IKBKB: variants seen among roughly 807,000 people sequenced by gnomAD.
IKBKB encodes inhibitor of nuclear factor kappa B kinase subunit beta.
Under a neutral mutation model 113.6 loss-of-function variants are expected in IKBKB, and 42 were observed. The ratio of observed to expected loss-of-function variants is 0.37; its 90% confidence interval spans 0.29 to 0.48. IKBKB has a LOEUF of 0.48. Ranked by LOEUF, IKBKB falls within the 20% of genes least tolerant of loss-of-function variation. The pLI is 0.99. For synonymous variants in IKBKB, 296 were observed against 361.3 expected, an observed-to-expected ratio of 0.82 and a Z score of 2.05; for missense variants, 673 against 939.7, an observed-to-expected ratio of 0.72 and a Z score of 3.71.
intron 2 of IKBKB, among the ~76,000 whole-genome samples, chr8:42,281,405 G>A (rs1240204548): frequency 3.3e-5 from 5 of 152,172 alleles, no homozygotes; most frequent in Non-Finnish European, 7.3e-5. Context: ...TGAGGACCCA[G>A]ATGCTTGTAC....
At chr8:42,313,804 A>AGTCCT (rs1387580620) in intron 8 of IKBKB, among the ~76,000 whole-genome samples, 1 of 152,236 alleles carries the variant, frequency 6.6e-6, no homozygotes, top group African/African-American at 2.4e-5. Flanking sequence ...TCATCCAGGC[A>AGTCCT]GTCCTGACCA....
chr8:42,307,610 C>T (rs1276065020), intron 7 of IKBKB, among the ~76,000 whole-genome samples: 2 of 152,148 alleles, frequency 1.3e-5, no homozygotes, highest in Non-Finnish European at 2.9e-5. Flanking sequence ...TTGGGAGTGA[C>T]TCAAGGAGTC....
At chr8:42,282,010 C>T (rs1183911640) in intron 2 of IKBKB, among the ~76,000 whole-genome samples, 1 of 152,198 alleles carries the variant, frequency 6.6e-6, no homozygotes, top group African/African-American at 2.4e-5. Flanking sequence ...TGCTCCCCCT[C>T]TGCCTTTTTT....
intron 19 of IKBKB, among the ~76,000 whole-genome samples, chr8:42,324,252 C>T (rs77008799): frequency 0.021 from 3,162 of 152,148 alleles, 109 homozygotes; most frequent in African/African-American, 0.072. Context: ...GGTGAGCTTA[C>T]GTGGGCCACG....
chr8:42,329,311 C>T (rs1006197586), intron 21 of IKBKB, 97 bp downstream of exon 21: 5 of 1,429,396 alleles, frequency 3.5e-6, no homozygotes, highest in African/African-American at 3.0e-5. Context: ...TATCCTCAAC[C>T]TCAGTGTTTG....
At chr8:42,307,277 C>T (rs1424309352) in intron 7 of IKBKB, among the ~76,000 whole-genome samples, 3 of 151,958 alleles carry the variant, frequency 2.0e-5, no homozygotes, top group African/African-American at 7.3e-5. Flanking sequence ...GAACCGAGCA[C>T]AAAAGGGAAA....
chr8:42,301,722 A>G (rs956145186), intron 5 of IKBKB, among the ~76,000 whole-genome samples: 3 of 152,364 alleles, frequency 2.0e-5, no homozygotes, highest in South Asian at 2.1e-4. Flanking sequence ...TAGTCAGAGT[A>G]TTCAGTTACC....
chr8:42,314,469 GC>G, intron 9 of IKBKB, 40 bp downstream of exon 9: 1 of 1,328,260 alleles, frequency 7.5e-7, no homozygotes, highest in Non-Finnish European at 1.1e-6. Flanking sequence ...TATCTTTCTT[GC>G]TTTTTTTAGA....
intron 5 of IKBKB, among the ~76,000 whole-genome samples, chr8:42,299,292 A>G (rs1814626616): frequency 6.6e-6 from 1 of 152,086 alleles, no homozygotes; most frequent in Admixed American, 6.5e-5. Flanking sequence ...TGCTGATTCA[A>G]TGTCAGAGCA....
Position 42,305,406 on chromosome 8 carries a change from G to A in IKBKB, c.477+131G>A, listed in dbSNP as rs896571564. 20 of 643,628 alleles carry A rather than the reference G, an allele frequency of 3.1e-5. No homozygotes were observed. The African/African-American group carries it at 3.5e-4, about 11-fold the overall frequency. 39.9% of individuals were successfully genotyped at this position (643,628 alleles called of 1,614,324 possible). ...GCCTGTGCTTTGATTCTCTGGGAAT[G>A]CTGTTTGATTTGAAACAAAATTGAG... On this transcript the variant is annotated intron_variant, in intron 6 of 21. Transcript: ENST00000520810.
At chr8:42,325,843 T>A in intron 19 of IKBKB, 127 bp from the exon 20 acceptor site, 1 of 1,501,540 alleles carries the variant, frequency 6.7e-7, no homozygotes, top group Middle Eastern at 1.8e-4. Flanking sequence ...GGGTGCCAAC[T>A]GGTAGGCTGT....
At chr8:42,303,801 C>A (rs987505182) in intron 5 of IKBKB, among the ~76,000 whole-genome samples, 4 of 152,208 alleles carry the variant, frequency 2.6e-5, no homozygotes, top group African/African-American at 4.8e-5. Context: ...GCCACCGCGC[C>A]CAGCCCCATT....
intron 7 of IKBKB, among the ~76,000 whole-genome samples, chr8:42,308,098 A>G (rs940044737): frequency 6.6e-6 from 1 of 152,006 alleles, no homozygotes; most frequent in East Asian, 1.9e-4. Context: ...CTGCAACCAC[A>G]TGGTACCTGG....
At chr8:42,274,080 G>C (rs1432300640) in intron 2 of IKBKB, among the ~76,000 whole-genome samples, 1 of 152,002 alleles carries the variant, frequency 6.6e-6, no homozygotes, top group East Asian at 1.9e-4. Context: ...GCCCAGGCTG[G>C]AGTGCAGTGG....
Position 42,330,970 on chromosome 8 carries a change from G to C in IKBKB, c.2262G>C (p.Gln754His), listed in dbSNP as rs1821627486. The C allele has an allele frequency of 1.2e-6, 2 of 1,614,152 alleles. No homozygotes were observed. The highest frequency in any genetic ancestry group is 8.5e-7 in the Non-Finnish European group (1 of 1,180,036). ...TEEEEHSCLE[Q>H]AS Reference sequence around the variant, plus strand: ...AAGAAGAGCACAGCTGCCTGGAGCAGGCCTCATGATGTGGGGGGACTCGAC... The same window carrying C: ...AAGAAGAGCACAGCTGCCTGGAGCACGCCTCATGATGTGGGGGGACTCGAC... The change falls in exon 22 of 22, where the codon CAG becomes CAC. Residue 754 changes from glutamine to histidine, a missense_variant. By Grantham distance (24) the Gln-to-His change is conservative. This residue lies in a region of IKBKB where 506 missense variants were observed against 638.7 expected (regional missense o/e 0.79). Coordinates refer to ENST00000520810, the MANE Select transcript of IKBKB (RefSeq NM_001556.3).
chr8:42,331,034 T>G lies in IKBKB; in HGVS notation c.*55T>G. 6.3e-7 allele frequency: 1 copy of G among 1,596,726 alleles called. No homozygotes were observed. Among genetic ancestry groups the G allele is most frequent in the Non-Finnish European group, 8.5e-7 (1 of 1,170,818 alleles). Reference sequence around the variant, plus strand: ...GCAGCCCATAGCAGGCCTTGTGCAGTGGGGGGACTCGACCCCCTGACATGG... The same window carrying G: ...GCAGCCCATAGCAGGCCTTGTGCAGGGGGGGGACTCGACCCCCTGACATGG... On this transcript the variant is annotated 3_prime_UTR_variant, in exon 22 of 22. Coordinates refer to ENST00000520810, the MANE Select transcript of IKBKB (RefSeq NM_001556.3).
At chr8:42,299,448 A>T (rs1019459847) in intron 5 of IKBKB, among the ~76,000 whole-genome samples, 1 of 152,084 alleles carries the variant, frequency 6.6e-6, no homozygotes, top group Non-Finnish European at 1.5e-5. Flanking sequence ...AGCCCTGGGC[A>T]TGACCCACAG....
At chr8:42,304,578 T>C (rs1289613171) in intron 5 of IKBKB, among the ~76,000 whole-genome samples, 2 of 152,212 alleles carry the variant, frequency 1.3e-5, no homozygotes, top group Non-Finnish European at 2.9e-5. Flanking sequence ...GGGCATGTAG[T>C]AAGTCTGTGT....
intron 20 of IKBKB, among the ~76,000 whole-genome samples, chr8:42,328,229 G>A (rs1018905638): frequency 4.3e-4 from 65 of 150,396 alleles, no homozygotes; most frequent in African/African-American, 1.6e-3. Flanking sequence ...TTACAGGCGT[G>A]AGCCACCGCA....
Sources: gnomAD v4.1 joint callset for allele counts (sites outside exome capture counted in the v4.1 genomes callset) on GRCh38, gnomAD v4.1.1 for gene constraint, gnomAD v4.1.1 regional missense constraint, MANE v1.5 for transcripts, NCBI Gene and HGNC (gene_info 2026-07-23, HGNC 2026-07-21) for gene names.